The following NELL1 variants were observed in gnomAD, a reference collection of about 807,000 sequenced individuals.
The protein encoded by NELL1 is neural EGFL like 1, also known as protein kinase C-binding protein NELL1.
In NELL1, 76 loss-of-function variants were observed where a neutral mutation model predicts 107.4. The observed-to-expected ratio is 0.71, with a 90% CI of 0.59 to 0.86. The LOEUF (loss-of-function observed/expected upper bound fraction) is 0.86. Among genes scored for constraint, NELL1 ranks in the 40% least tolerant of loss-of-function variants. The pLI is 0.00. For synonymous variants in NELL1, 353 were observed against 341.2 expected, an observed-to-expected ratio of 1.03 and a Z score of -0.38; for missense variants, 1,024 against 1,005.5, an observed-to-expected ratio of 1.02 and a Z score of -0.25.
At chr11:21,301,309 G>A (rs2133623569) in intron 14 of NELL1, among the ~76,000 whole-genome samples, 1 of 152,228 alleles carries the variant, frequency 6.6e-6, no homozygotes, top group African/African-American at 2.4e-5. Context: ...AGATCCTTGA[G>A]GAATCGCCAC....
In NELL1 at chr11:21,534,499, G is replaced by A. The variant is rs527255627; in HGVS notation, c.1771G>A (p.Gly591Arg). Reference sequence around the variant, plus strand: ...TGACGATGGGACCTATTCACTGTCCGGGGAGTCCTGTATTGGTAAGCAGCT... The same window carrying A: ...TGACGATGGGACCTATTCACTGTCCAGGGAGTCCTGTATTGGTAAGCAGCT... Reference protein sequence around the residue: ...FHDDGTYSLSGESCIDIDECA... With the variant: ...FHDDGTYSLSRESCIDIDECA... The change falls in exon 16 of 20, where the codon GGG becomes AGG. Residue 591 changes from glycine to arginine, a missense_variant. Physicochemically the swap from Gly to Arg is moderately radical, Grantham distance 125. Coordinates refer to ENST00000357134, the MANE Select transcript of NELL1 (RefSeq NM_006157.5). The A allele has an allele frequency of 1.5e-5, 25 of 1,613,592 alleles. No individual in the cohort carries two copies. Among genetic ancestry groups the A allele is most frequent in the Middle Eastern group, 1.6e-4 (1 of 6,076 alleles).
intron 12 of NELL1, among the ~76,000 whole-genome samples, chr11:20,976,085 ATTACAT>A (rs1334640084): frequency 6.8e-6 from 1 of 147,800 alleles, no homozygotes; most frequent in Non-Finnish European, 1.5e-5. Flanking sequence ...TATTATATAC[ATTACAT>A]TTATATATAC....
intron 3 of NELL1, among the ~76,000 whole-genome samples, chr11:20,828,169 T>C (rs563610229): frequency 1.3e-5 from 2 of 151,524 alleles, no homozygotes; most frequent in African/African-American, 2.4e-5. Context: ...AAACTAGGTA[T>C]AATCATATCT....
At chr11:20,862,507 T>C (rs1015706208) in intron 4 of NELL1, among the ~76,000 whole-genome samples, 1 of 151,828 alleles carries the variant, frequency 6.6e-6, no homozygotes, top group Admixed American at 6.6e-5. Flanking sequence ...CTTGGTATTG[T>C]ACATTTGTGG....
chr11:20,919,359 ATGT>A, intron 7 of NELL1, 25 bp downstream of exon 7: 1 of 1,391,236 alleles, frequency 7.2e-7, no homozygotes, highest in Non-Finnish European at 1.0e-6. Context: ...TTCATTTGTG[ATGT>A]TTCATTTCTT....
chr11:21,568,453 A>G (rs1235324238), intron 17 of NELL1, among the ~76,000 whole-genome samples: 2 of 151,522 alleles, frequency 1.3e-5, no homozygotes, highest in East Asian at 3.9e-4. Flanking sequence ...TTTGAAAAAG[A>G]TTTTTTTTCT....
At chr11:20,690,942 G>A (rs987405052) in intron 2 of NELL1, among the ~76,000 whole-genome samples, 4 of 151,908 alleles carry the variant, frequency 2.6e-5, no homozygotes, top group Admixed American at 6.6e-5. Context: ...ATTTGTTTGT[G>A]TCCTCTTTTG....
At chr11:20,690,927 C>T (rs1366445356) in intron 2 of NELL1, among the ~76,000 whole-genome samples, 1 of 151,910 alleles carries the variant, frequency 6.6e-6, no homozygotes, top group Non-Finnish European at 1.5e-5. Flanking sequence ...ATGGAATGTT[C>T]TTCCATTTGT....
intron 12 of NELL1, among the ~76,000 whole-genome samples, chr11:21,037,709 C>A (rs958268699): frequency 3.3e-5 from 5 of 152,154 alleles, no homozygotes; most frequent in African/African-American, 1.2e-4. Context: ...GGGCAGCAAC[C>A]ACTTATATCT....
At chr11:21,354,133 C>A (rs1850876614) in intron 14 of NELL1, among the ~76,000 whole-genome samples, 1 of 152,086 alleles carries the variant, frequency 6.6e-6, no homozygotes, top group South Asian at 2.1e-4. Flanking sequence ...AGCCCAATGT[C>A]ACATAGCTAG....
intron 2 of NELL1, among the ~76,000 whole-genome samples, chr11:20,730,311 C>T (rs1385470095): frequency 6.6e-6 from 1 of 152,092 alleles, no homozygotes; most frequent in African/African-American, 2.4e-5. Context: ...CATGGAGAAG[C>T]ATCAGTGAGC....
chr11:21,304,487 A>G (rs963694370), intron 14 of NELL1, among the ~76,000 whole-genome samples: 9 of 151,990 alleles, frequency 5.9e-5, no homozygotes, highest in African/African-American at 1.9e-4. Flanking sequence ...GGATTGGAAT[A>G]GTGTTCAGGA....
At chr11:21,375,839 TTGTA>T (rs1851462983) in intron 15 of NELL1, among the ~76,000 whole-genome samples, 1 of 151,992 alleles carries the variant, frequency 6.6e-6, no homozygotes, top group African/African-American at 2.4e-5. Context: ...TGTTGGCTGC[TTGTA>T]TGTCTGTCAT....
rs147965381 is a variant in NELL1 at position 20,742,164 on chromosome 11, C to A, written c.185-41516C>A. 3.0e-3 allele frequency among the ~76,000 whole-genome samples: 452 copies of A among 152,302 alleles called. 2 individuals carry two copies. Among genetic ancestry groups the A allele is most frequent in the Middle Eastern group, 6.8e-3 (2 of 294 alleles). On this transcript the variant is annotated intron_variant, in intron 2 of 19. Transcript: ENST00000357134. ...AAGGGCTTCTTTTTCCAAGAGGAGA[C>A]TGTTGTTTACACCTAGGCATCAGCC...
At chr11:20,686,127 C>A (rs889915579) in intron 2 of NELL1, among the ~76,000 whole-genome samples, 3 of 151,640 alleles carry the variant, frequency 2.0e-5, no homozygotes, top group African/African-American at 7.3e-5. Context: ...ATTTTTATTT[C>A]TCCTAATATT....
At chr11:21,502,007 T>C (rs1455600099) in intron 15 of NELL1, among the ~76,000 whole-genome samples, 1 of 152,180 alleles carries the variant, frequency 6.6e-6, no homozygotes, top group East Asian at 1.9e-4. Context: ...AAATCCTCTG[T>C]CCTTGCTCAT....
intron 14 of NELL1, among the ~76,000 whole-genome samples, chr11:21,355,753 A>G (rs1024419441): frequency 6.6e-6 from 1 of 152,162 alleles, no homozygotes; most frequent in Non-Finnish European, 1.5e-5. Flanking sequence ...TACATTCTGG[A>G]GAGTTTAAAT....
chr11:21,520,544 C>G (rs1482696155), intron 15 of NELL1, among the ~76,000 whole-genome samples: 3 of 152,122 alleles, frequency 2.0e-5, no homozygotes, highest in African/African-American at 7.2e-5. Flanking sequence ...AGTGGAGATA[C>G]AGAGGGAGCC....
At chr11:20,725,806 G>A (rs1393539620) in intron 2 of NELL1, among the ~76,000 whole-genome samples, 2 of 152,100 alleles carry the variant, frequency 1.3e-5, no homozygotes, top group African/African-American at 4.8e-5. Context: ...TGTTACCTAG[G>A]TATATTGTGT....
Sources: allele counts gnomAD v4.1 joint callset (sites outside exome capture counted in the v4.1 genomes callset), GRCh38; gene constraint gnomAD v4.1.1; transcripts MANE v1.5; gene names NCBI Gene and HGNC (gene_info 2026-07-23, HGNC 2026-07-21).